Variants in CACNB2 observed in about 807,000 individuals in gnomAD.
CACNB2 encodes voltage-dependent L-type calcium channel subunit beta-2.
A neutral mutation model predicts 73.3 loss-of-function variants in CACNB2; 42 were observed. The observed-to-expected ratio is 0.57, with a 90% CI of 0.45 to 0.74. The LOEUF is 0.74. Among genes scored for constraint, CACNB2 ranks in the 30% least tolerant of loss-of-function variants. CACNB2 has a pLI of 0.00. For missense variants in CACNB2, 940 were observed against 853.0 expected (o/e 1.10, Z -1.27); for synonymous variants, 348 against 310.3 (o/e 1.12, Z -1.28).
chr10:18,340,785 C>T, intron 2 of CACNB2: 1 of 1,583,310 alleles, frequency 6.3e-7, no homozygotes, highest in South Asian at 1.2e-5. Flanking sequence ...GACTACACAC[C>T]CCAAGCCAGC....
intron 3 of CACNB2, among the ~76,000 whole-genome samples, chr10:18,455,149 G>T (rs1048817445): frequency 2.6e-5 from 4 of 151,988 alleles, no homozygotes; most frequent in South Asian, 2.1e-4. Context: ...TCTGGAAAAA[G>T]CATTAAAAGG....
chr10:18,448,361 C>T (rs1339131653), intron 3 of CACNB2, among the ~76,000 whole-genome samples: 1 of 151,510 alleles, frequency 6.6e-6, no homozygotes, highest in Non-Finnish European at 1.5e-5. Context: ...TATTATCCAG[C>T]TACTCAGGAG....
intron 2 of CACNB2, among the ~76,000 whole-genome samples, chr10:18,205,739 G>C (rs1326976480): frequency 6.6e-6 from 1 of 152,074 alleles, no homozygotes; most frequent in African/African-American, 2.4e-5. Flanking sequence ...CCAGCTTACT[G>C]GAGTGGAGAG....
chr10:18,415,957 A>G lies in CACNB2; in HGVS notation c.333+13914A>G, dbSNP rs561366445. On this transcript the variant is annotated intron_variant, in intron 3 of 13. Coordinates refer to ENST00000324631, the MANE Select transcript of CACNB2 (RefSeq NM_201596.3). ...ATTTTTTTTTTATTTGCTCAAATTT[A>G]TGGGGTAGCTAAGACATTTTTTACA... Among the ~76,000 whole-genome samples, 9 of 152,074 alleles carry G rather than the reference A, an allele frequency of 5.9e-5. No individual in the cohort carries two copies. The East Asian group carries it at 1.5e-3, about 26-fold the overall frequency.
chr10:18,506,549 T>C lies in CACNB2; in HGVS notation c.670+2T>C. 6.4e-7 allele frequency: 1 copy of C among 1,559,886 alleles called. No homozygotes were observed. The highest frequency in any genetic ancestry group is 8.8e-7 in the Non-Finnish European group (1 of 1,130,908). On this transcript the variant is annotated splice_donor_variant, in intron 6 of 13. Coordinates refer to ENST00000324631, the MANE Select transcript of CACNB2 (RefSeq NM_201596.3). LOFTEE classifies it high-confidence loss of function. ...GAAAATCAACACCTCCATCATCTGG[T>C]AAGTAGGTGATAAATGCTGAATAAT...
At chr10:18,411,010 G>A (rs1041442838) in intron 3 of CACNB2, among the ~76,000 whole-genome samples, 1 of 151,894 alleles carries the variant, frequency 6.6e-6, no homozygotes, top group African/African-American at 2.4e-5. Context: ...TAAAAATCCA[G>A]CAGCGATACC....
At chr10:18,392,867 T>C (rs1388618819) in intron 2 of CACNB2, among the ~76,000 whole-genome samples, 1 of 152,192 alleles carries the variant, frequency 6.6e-6, no homozygotes. Flanking sequence ...TTCAATTTCA[T>C]AACTGATAAG....
chr10:18,327,134 T>C lies in CACNB2; in HGVS notation c.214-74790T>C, dbSNP rs76993016. ...GAATGGTATCCTAGAACATTCCAGA[T>C]TGGTTTTCATTCTGTTTGACTTAAA... On this transcript the variant is annotated intron_variant, in intron 2 of 13. Coordinates refer to ENST00000324631, the MANE Select transcript of CACNB2 (RefSeq NM_201596.3). 2.6e-4 allele frequency among the ~76,000 whole-genome samples: 39 copies of C among 152,258 alleles called. No homozygotes were observed. The East Asian group carries it at 5.2e-3, about 20-fold the overall frequency.
At chr10:18,453,543 C>G (rs2047117426) in intron 3 of CACNB2, among the ~76,000 whole-genome samples, 1 of 152,244 alleles carries the variant, frequency 6.6e-6, no homozygotes. Context: ...TTCTTGAGCA[C>G]TGCCGCTCGT....
chr10:18,212,583 C>T (rs550761957), intron 2 of CACNB2, among the ~76,000 whole-genome samples: 20 of 152,052 alleles, frequency 1.3e-4, no homozygotes, highest in South Asian at 4.2e-4. Flanking sequence ...TTTATATTTA[C>T]TGCTAATATT....
intron 2 of CACNB2, among the ~76,000 whole-genome samples, chr10:18,220,560 C>T (rs888168356): frequency 6.6e-6 from 1 of 151,898 alleles, no homozygotes; most frequent in Non-Finnish European, 1.5e-5. Context: ...CCGCACCCAG[C>T]CTTATCTGTG....
chr10:18,527,534 C>T (rs188452080), intron 9 of CACNB2, 54 bp from the exon 10 acceptor site: 1 of 1,112,844 alleles, frequency 9.0e-7, no homozygotes, highest in Non-Finnish European at 1.4e-6. Context: ...CACTTCTATC[C>T]CCTTTGATTA....
intron 3 of CACNB2, among the ~76,000 whole-genome samples, chr10:18,484,132 A>C (rs1200672481): frequency 6.6e-6 from 1 of 152,190 alleles, no homozygotes; most frequent in Non-Finnish European, 1.5e-5. Context: ...AGTGGCTCAC[A>C]CTTGTAATCC....
Position 18,442,998 on chromosome 10 carries a change from GTGTATATATATATATGTA to G in CACNB2, c.333+40957_333+40974del, listed in dbSNP as rs1564554120. 4.6e-3 allele frequency among the ~76,000 whole-genome samples: 42 copies of G among 9,118 alleles called. 7 individuals are homozygous for G. Among genetic ancestry groups the G allele is most frequent in the African/African-American group, 0.024 (27 of 1,124 alleles). 6.0% of individuals were successfully genotyped at this position (9,118 alleles called of 152,430 possible). On this transcript the variant is annotated intron_variant, in intron 3 of 13. Transcript: ENST00000324631. ...TATATATATATATGTATATATATAT[GTGTATATATATATATGTA>G]TATATATATATATATATATAAATAA... is the stretch of plus-strand genomic sequence containing the variant.
chr10:18,234,246 C>G (rs527705382), intron 2 of CACNB2: 1 of 152,150 alleles, frequency 6.6e-6, no homozygotes, highest in Non-Finnish European at 1.5e-5. Flanking sequence ...GGTCACTTTT[C>G]TTATTTAAGA....
At chr10:18,317,625 C>A (rs1256604055) in intron 2 of CACNB2, among the ~76,000 whole-genome samples, 1 of 152,052 alleles carries the variant, frequency 6.6e-6, no homozygotes, top group East Asian at 1.9e-4. Context: ...TTTTCTTTAT[C>A]CAGTGCACCA....
intron 11 of CACNB2, 22 bp from the exon 12 acceptor site, chr10:18,536,078 TA>T: frequency 6.9e-7 from 1 of 1,441,340 alleles, no homozygotes; most frequent in African/African-American, 1.4e-5. Flanking sequence ...ATTACTCTGT[TA>T]AAAACTCATT....
Position 18,540,334 on chromosome 10 carries a change from A to ATG in CACNB2, c.*611_*612insGT, listed in dbSNP as rs1388451495. The ATG allele has an allele frequency of 3.6e-5, 5 of 139,428 alleles. No individual in the cohort carries two copies. In the East Asian group the frequency reaches 9.7e-4, roughly 27 times the overall value. The allele number at this position is 139,428 out of a possible 1,614,324, so 8.6% of individuals were successfully genotyped here. A position where few individuals can be genotyped will look rare whatever the true frequency, so the allele number is the denominator to read the frequency against. ...CAAACACCTTCTTATTATATATATA[A>ATG]TATATATATATATCAGTTTGATCAC... On this transcript the variant is annotated 3_prime_UTR_variant, in exon 14 of 14. Transcript: ENST00000324631.
chr10:18,515,034 G>C (rs373932682), intron 7 of CACNB2: 2 of 1,612,812 alleles, frequency 1.2e-6, no homozygotes, highest in Non-Finnish European at 1.7e-6. Flanking sequence ...TTGTTTTGGC[G>C]GTTTACTGTG....
Sources: allele counts gnomAD v4.1 joint callset (sites outside exome capture counted in the v4.1 genomes callset), GRCh38; gene constraint gnomAD v4.1.1; transcripts MANE v1.5; gene names NCBI Gene and HGNC (gene_info 2026-07-23, HGNC 2026-07-21).